DAAM2: variants seen among roughly 807,000 people sequenced by gnomAD.
The protein encoded by DAAM2 is dishevelled associated activator of morphogenesis 2, also known as disheveled-associated activator of morphogenesis 2.
DAAM2 carries 39 observed loss-of-function variants against 120.7 expected under a neutral mutation model. The ratio of observed to expected loss-of-function variants is 0.32; its 90% CI spans 0.25 to 0.42. The LOEUF (loss-of-function observed/expected upper bound fraction) is 0.42, where lower values mean the gene tolerates loss of function less well. DAAM2 is among the 10% of genes least tolerant of loss of function. The pLI is 1.00. For synonymous variants in DAAM2, 488 were observed against 524.9 expected (o/e 0.93, Z 0.96); for missense variants, 1,283 against 1,401.7 (o/e 0.92, Z 1.35).
At position 39,901,566 on chromosome 6, in the gene DAAM2, C is replaced by G; in HGVS notation, c.2982+94C>G. 1.5e-6 allele frequency: 2 copies of G among 1,298,022 alleles called. No individual in the cohort carries two copies. Among genetic ancestry groups the G allele is most frequent in the Non-Finnish European group, 2.1e-6 (2 of 951,790 alleles). The allele number at this position is 1,298,022 out of a possible 1,614,324, so 80.4% of individuals were successfully genotyped here. A position where few individuals can be genotyped will look rare whatever the true frequency, so the allele number is the denominator to read the frequency against. On this transcript the variant is annotated intron_variant, in intron 24 of 24. Coordinates refer to ENST00000274867, the MANE Select transcript of DAAM2 (RefSeq NM_001201427.2). This position sits in a 1 kb window ranked among gnomAD's most constrained non-coding sequence, Gnocchi z 4.5. ...GGGGTGTGTGGGAGGAGGGCAGAGACTGAGGAACTGAGGAACACCATAGGG... is the reference window on the plus strand; with the variant it reads ...GGGGTGTGTGGGAGGAGGGCAGAGAGTGAGGAACTGAGGAACACCATAGGG...
chr6:39,839,813 A>C (rs993584472), intron 1 of DAAM2, among the ~76,000 whole-genome samples: 1 of 152,228 alleles, frequency 6.6e-6, no homozygotes. Context: ...TTGATGCAGG[A>C]AGCATTTCTA....
intron 1 of DAAM2, chr6:39,856,038 A>G: frequency 4.1e-6 from 4 of 976,176 alleles, no homozygotes; most frequent in Non-Finnish European, 4.8e-6. Flanking sequence ...CATGGTGGGG[A>G]GGATATGTAA....
In DAAM2 at chr6:39,879,217, CTCA is replaced by C. The variant is rs2149330750; in HGVS notation, c.1586_1588del (p.Leu529_Thr530delinsPro). 1.9e-6 allele frequency: 3 copies of C among 1,550,304 alleles called. No individual in the cohort carries two copies. In the African/African-American group the frequency reaches 4.1e-5, roughly 21 times the overall value. On this transcript the variant is annotated inframe_deletion, in exon 14 of 25. Coordinates refer to ENST00000274867, the MANE Select transcript of DAAM2 (RefSeq NM_001201427.2). The stretch of plus-strand genomic sequence containing the variant: ...TTCCCCACCACCCCCTGGGGGCCCA[CTCA>C]CCTTGTCTTCCTCAATGACAACCAA...
At chr6:39,891,248 C>T (rs1037049928) in intron 17 of DAAM2, 93 bp from the exon 18 acceptor site, 24 of 960,700 alleles carry the variant, frequency 2.5e-5, no homozygotes, top group Non-Finnish European at 3.5e-5. Context: ...GCACCCTCCC[C>T]ATCTTGACCC....
Position 39,904,851 on chromosome 6 carries a change from T to C in DAAM2, c.*2814T>C. On this transcript the variant is annotated 3_prime_UTR_variant, in exon 25 of 25. Coordinates refer to ENST00000274867, the MANE Select transcript of DAAM2 (RefSeq NM_001201427.2). ...TATTGTAATACTAAAAAATATTAAATTCATACCATCCCTACCCAGTCTGCC... is the reference window on the plus strand; with the variant it reads ...TATTGTAATACTAAAAAATATTAAACTCATACCATCCCTACCCAGTCTGCC... The C allele has an allele frequency of 2.2e-6, 1 of 454,106 alleles. No individual in the cohort carries two copies. Among genetic ancestry groups the C allele is most frequent in the Non-Finnish European group, 4.4e-6 (1 of 226,794 alleles). The allele number at this position is 454,106 out of a possible 1,614,324, so 28.1% of individuals were successfully genotyped here. A position where few individuals can be genotyped will look rare whatever the true frequency, so the allele number is the denominator to read the frequency against.
chr6:39,833,596 C>T (rs895542490), intron 1 of DAAM2, among the ~76,000 whole-genome samples: 33 of 152,202 alleles, frequency 2.2e-4, no homozygotes, highest in African/African-American at 7.7e-4. Context: ...GCTTGAGCTA[C>T]CACGCACAGC....
intron 4 of DAAM2, among the ~76,000 whole-genome samples, chr6:39,864,747 C>T (rs1157862863): frequency 6.6e-6 from 1 of 152,214 alleles, no homozygotes; most frequent in Non-Finnish European, 1.5e-5. Context: ...TCCATTTGGG[C>T]ATCACACAAA....
chr6:39,840,977 G>GCT (rs1339212180), intron 1 of DAAM2, among the ~76,000 whole-genome samples: 1 of 145,642 alleles, frequency 6.9e-6, no homozygotes, highest in Non-Finnish European at 1.5e-5. Flanking sequence ...CAGGGGAGGG[G>GCT]CTCCAGGAGG....
chr6:39,827,420 G>A (rs142609575), intron 1 of DAAM2, among the ~76,000 whole-genome samples: 5 of 152,286 alleles, frequency 3.3e-5, no homozygotes, highest in African/African-American at 1.2e-4. Flanking sequence ...ATCTCAAGAG[G>A]GGAAGGCACA....
At chr6:39,852,664 C>T (rs1459234455) in intron 1 of DAAM2, among the ~76,000 whole-genome samples, 2 of 152,202 alleles carry the variant, frequency 1.3e-5, no homozygotes, top group African/African-American at 2.4e-5. Context: ...GTACTCCTCA[C>T]TGAAACCCAG....
intron 17 of DAAM2, among the ~76,000 whole-genome samples, chr6:39,889,330 T>C (rs1183489691): frequency 6.6e-6 from 1 of 152,152 alleles, no homozygotes; most frequent in African/African-American, 2.4e-5. Flanking sequence ...AGGTGTTCAA[T>C]ATGATTAGTT....
In DAAM2 at chr6:39,891,446, A is replaced by G; in HGVS notation, c.2251A>G (p.Arg751Gly). The change falls in exon 18 of 25, where the codon AGG becomes GGG. Residue 751 changes from arginine to glycine, a missense_variant and splice_region_variant. Coordinates refer to ENST00000274867, the MANE Select transcript of DAAM2 (RefSeq NM_001201427.2). ...TGACCGCTTCCTCTATGAAATGAGC[A>G]GGTTGGGCCATGGGCATGGTGGGGA... Reference protein sequence around the residue: ...RADRFLYEMSRIDHYQQRLQA... With the variant: ...RADRFLYEMSGIDHYQQRLQA... 6.2e-7 allele frequency: 1 copy of G among 1,603,804 alleles called. No homozygotes were observed. Among genetic ancestry groups the G allele is most frequent in the Non-Finnish European group, 8.5e-7 (1 of 1,174,570 alleles).
intron 23 of DAAM2, 103 bp downstream of exon 23, chr6:39,900,311 T>C: frequency 5.1e-6 from 7 of 1,359,930 alleles, no homozygotes; most frequent in Non-Finnish European, 6.9e-6. Context: ...AAACCCAGAG[T>C]TACAGAGCTT....
At chr6:39,843,484 G>T (rs940531907) in intron 1 of DAAM2, among the ~76,000 whole-genome samples, 1 of 152,142 alleles carries the variant, frequency 6.6e-6, no homozygotes, top group African/African-American at 2.4e-5. Flanking sequence ...ACAAGGAGTG[G>T]CCAGCCAGGC....
chr6:39,846,391 A>G (rs1361576625), intron 1 of DAAM2, among the ~76,000 whole-genome samples: 1 of 152,228 alleles, frequency 6.6e-6, no homozygotes, highest in East Asian at 1.9e-4. Context: ...GATGGGGTAG[A>G]AGAAACTACT....
At chr6:39,829,421 G>A (rs912204564) in intron 1 of DAAM2, among the ~76,000 whole-genome samples, 1 of 152,170 alleles carries the variant, frequency 6.6e-6, no homozygotes, top group African/African-American at 2.4e-5. Context: ...GGTGACCATC[G>A]ATGGGGAGGC....
intron 19 of DAAM2, among the ~76,000 whole-genome samples, chr6:39,894,006 C>A (rs1765913900): frequency 6.6e-6 from 1 of 152,136 alleles, no homozygotes; most frequent in South Asian, 2.1e-4. Context: ...TGAATATATT[C>A]ATGAACTTAC....
intron 2 of DAAM2, among the ~76,000 whole-genome samples, chr6:39,858,973 T>G (rs1764111054): frequency 6.6e-6 from 1 of 152,152 alleles, no homozygotes; most frequent in Non-Finnish European, 1.5e-5. Context: ...GAAGTGAGGT[T>G]TAATAAGGAC....
intron 1 of DAAM2, among the ~76,000 whole-genome samples, chr6:39,799,057 G>A (rs1761785191): frequency 6.6e-6 from 1 of 152,184 alleles, no homozygotes; most frequent in Non-Finnish European, 1.5e-5. Flanking sequence ...TTGCCCAGGT[G>A]TGATGGGCTT....
Sources: allele counts gnomAD v4.1 joint callset (sites outside exome capture counted in the v4.1 genomes callset), GRCh38; gene constraint gnomAD v4.1.1; non-coding constraint Gnocchi (gnomAD v3.1); transcripts MANE v1.5; gene names NCBI Gene and HGNC (gene_info 2026-07-23, HGNC 2026-07-21).